Variants in TANGO6 observed in about 807,000 individuals in gnomAD.
The protein encoded by TANGO6 is transport and Golgi organization protein 6 homolog.
Under a neutral mutation model 114.2 loss-of-function variants are expected in TANGO6, and 90 were observed. The ratio of observed to expected loss-of-function variants is 0.79; its 90% CI spans 0.66 to 0.94. TANGO6 has a LOEUF of 0.94. TANGO6 is among the 40% of genes least tolerant of loss of function. The pLI, the probability that TANGO6 is intolerant of heterozygous loss-of-function variation, is 0.00. For synonymous variants in TANGO6, 477 were observed against 509.8 expected, an observed-to-expected ratio of 0.94 and a Z score of 0.87; for missense variants, 1,274 against 1,315.3, an observed-to-expected ratio of 0.97 and a Z score of 0.49.
intron 15 of TANGO6, among the ~76,000 whole-genome samples, chr16:68,991,024 A>T (rs28370885): frequency 6.6e-6 from 1 of 152,184 alleles, no homozygotes; most frequent in Non-Finnish European, 1.5e-5. Context: ...AAAGACAGAA[A>T]AAAGATGTCC....
Position 68,863,023 on chromosome 16 carries a change from G to C in TANGO6, c.814G>C (p.Val272Leu). 16 of 1,593,940 alleles carry C rather than the reference G, an allele frequency of 1.0e-5. No homozygotes were observed. Among genetic ancestry groups the C allele is most frequent in the South Asian group, 3.4e-5 (3 of 87,218 alleles). The change falls in exon 3 of 18, where the codon GTC becomes CTC. Residue 272 changes from valine to leucine, a missense_variant. By Grantham distance (32) the Val-to-Leu change is conservative. Transcript: ENST00000261778. ...GGATCAAGTCTATCAGCCCTTAGCA[G>C]TCCGGGAACTGCTTATCCTCCAGGG... ...MLDQVYQPLA[V>L]RELLILQGGP...
At chr16:68,917,511 C>G (rs1963023062) in intron 11 of TANGO6, among the ~76,000 whole-genome samples, 1 of 152,190 alleles carries the variant, frequency 6.6e-6, no homozygotes, top group African/African-American at 2.4e-5. Flanking sequence ...TACCATTTTG[C>G]ATTCCCAGCA....
intron 13 of TANGO6, 132 bp from the exon 14 acceptor site, chr16:68,930,106 T>G: frequency 2.9e-6 from 2 of 696,442 alleles, no homozygotes; most frequent in Non-Finnish European, 4.9e-6. Flanking sequence ...CCCACAAAAC[T>G]CTGTCAGACC....
intron 11 of TANGO6, among the ~76,000 whole-genome samples, chr16:68,915,249 G>A (rs1962986070): frequency 6.6e-6 from 1 of 151,644 alleles, no homozygotes; most frequent in African/African-American, 2.4e-5. Flanking sequence ...GAGTAATTTA[G>A]GAATGCTTTA....
intron 14 of TANGO6, among the ~76,000 whole-genome samples, chr16:68,954,015 G>A (rs928013385): frequency 1.3e-5 from 2 of 151,870 alleles, no homozygotes; most frequent in African/African-American, 2.4e-5. Context: ...CGAGGTGGGC[G>A]GATCACTTGA....
chr16:68,958,824 G>C (rs1002103149), intron 14 of TANGO6, among the ~76,000 whole-genome samples: 2 of 151,964 alleles, frequency 1.3e-5, no homozygotes, highest in Non-Finnish European at 2.9e-5. Context: ...TGTGGTCCCA[G>C]CTACTCAGGA....
chr16:68,952,703 G>A (rs971858678), intron 14 of TANGO6, among the ~76,000 whole-genome samples: 1 of 152,068 alleles, frequency 6.6e-6, no homozygotes, highest in South Asian at 2.1e-4. Flanking sequence ...TTTTACATTA[G>A]GCTTTTGTGC....
intron 14 of TANGO6, among the ~76,000 whole-genome samples, chr16:68,938,893 A>G (rs1021781654): frequency 6.6e-6 from 1 of 151,942 alleles, no homozygotes. Context: ...AGCTGGCATT[A>G]TAAAGATTAA....
At chr16:68,971,137 C>T (rs1422607572) in intron 14 of TANGO6, among the ~76,000 whole-genome samples, 1 of 144,676 alleles carries the variant, frequency 6.9e-6, no homozygotes, top group African/African-American at 2.6e-5. Context: ...GGTGACAGAG[C>T]GAGACTCCAT....
chr16:69,016,828 T>G (rs1959308631), intron 15 of TANGO6, among the ~76,000 whole-genome samples: 1 of 151,890 alleles, frequency 6.6e-6, no homozygotes, highest in Non-Finnish European at 1.5e-5. Context: ...CCTGGCTAAA[T>G]TTTTTGTATT....
At chr16:69,001,390 A>T (rs1362420399) in intron 15 of TANGO6, among the ~76,000 whole-genome samples, 1 of 152,194 alleles carries the variant, frequency 6.6e-6, no homozygotes. Context: ...TATTTTTAAA[A>T]GATTATTAGT....
At chr16:69,057,080 T>C (rs1567567560) in intron 17 of TANGO6, among the ~76,000 whole-genome samples, 1 of 136,512 alleles carries the variant, frequency 7.3e-6, no homozygotes, top group Non-Finnish European at 1.5e-5. Flanking sequence ...ATGATCTGGC[T>C]CACTGCAAGC....
chr16:68,894,499 G>A (rs1001958093), intron 7 of TANGO6, among the ~76,000 whole-genome samples: 4 of 152,006 alleles, frequency 2.6e-5, no homozygotes, highest in African/African-American at 4.8e-5. Context: ...TACAGAAGCC[G>A]CTGTCCATGG....
chr16:69,018,139 C>CTTTTTTTTTTTTTTTTTTTT (rs34796579), intron 15 of TANGO6, among the ~76,000 whole-genome samples: 3 of 77,084 alleles, frequency 3.9e-5, no homozygotes, highest in African/African-American at 9.3e-5. Flanking sequence ...TTGGAAATCT[C>CTTTTTTTTTTTTTTTTTTTT]TTTTTTTTTT....
At chr16:68,946,274 C>G (rs1161840489) in intron 14 of TANGO6, among the ~76,000 whole-genome samples, 2 of 151,846 alleles carry the variant, frequency 1.3e-5, no homozygotes, top group East Asian at 3.9e-4. Flanking sequence ...TCACTGCAAG[C>G]TCCGCCTCCC....
intron 11 of TANGO6, among the ~76,000 whole-genome samples, chr16:68,914,264 C>T (rs919253551): frequency 2.6e-5 from 4 of 152,166 alleles, no homozygotes; most frequent in African/African-American, 4.8e-5. Flanking sequence ...CTGGTTCAAG[C>T]GATTTTCCTG....
rs575803622 is a variant in TANGO6, at chr16:69,028,256, C to T, written c.2994+5277C>T. On this transcript the variant is annotated intron_variant, in intron 16 of 17. Transcript: ENST00000261778. ...GATTATAGGCGTGAGCCACCGCTCC[C>T]GGCCCTCCAAATATTATTATTTTTA... is the stretch of plus-strand genomic sequence containing the variant. Among the ~76,000 whole-genome samples, 91 of 152,234 alleles carry T rather than the reference C, an allele frequency of 6.0e-4. 2 individuals are homozygous for T. In the South Asian group the frequency reaches 0.017, roughly 29 times the overall value.
intron 17 of TANGO6, among the ~76,000 whole-genome samples, chr16:69,044,765 C>T (rs948135793): frequency 6.6e-6 from 1 of 152,150 alleles, no homozygotes; most frequent in East Asian, 1.9e-4. Flanking sequence ...TGCCCGTAGT[C>T]TCAGATACTT....
At chr16:69,055,121 A>G (rs901549824) in intron 17 of TANGO6, among the ~76,000 whole-genome samples, 1 of 152,024 alleles carries the variant, frequency 6.6e-6, no homozygotes, top group Admixed American at 6.6e-5. Flanking sequence ...GACAGGCTTC[A>G]TTCTTCCCTC....
Sources: gnomAD v4.1 joint callset for allele counts (sites outside exome capture counted in the v4.1 genomes callset) on GRCh38, gnomAD v4.1.1 for gene constraint, MANE v1.5 for transcripts, NCBI Gene and HGNC (gene_info 2026-07-23, HGNC 2026-07-21) for gene names.